SAMD12: variants seen among roughly 807,000 people sequenced by gnomAD.
The protein encoded by SAMD12 is sterile alpha motif domain-containing protein 12.
SAMD12 carries 9 observed loss-of-function variants against 15.0 expected under a neutral mutation model. The observed-to-expected ratio is 0.60, with a 90% confidence interval of 0.36 to 1.05. The LOEUF (loss-of-function observed/expected upper bound fraction) is 1.05, where lower values mean the gene tolerates loss of function less well. Ranked by LOEUF, SAMD12 falls within the 50% of genes least tolerant of loss-of-function variation. The probability of loss-of-function intolerance (pLI) is 0.01; values close to 1 mark genes in which losing one functional copy is unlikely to be tolerated. For missense variants in SAMD12, 230 were observed against 234.2 expected (o/e 0.98, Z 0.12); for synonymous variants, 86 against 90.1 (o/e 0.96, Z 0.25).
chr8:118,203,430 G>C (rs1005729099), intron 4 of SAMD12, among the ~76,000 whole-genome samples: 5 of 151,786 alleles, frequency 3.3e-5, no homozygotes, highest in African/African-American at 1.2e-4. Flanking sequence ...AGGTACTACT[G>C]GCATCTAATG....
intron 4 of SAMD12, among the ~76,000 whole-genome samples, chr8:118,314,853 C>T (rs1184681838): frequency 6.6e-6 from 1 of 152,154 alleles, no homozygotes; most frequent in Non-Finnish European, 1.5e-5. Context: ...TCGGCTATTA[C>T]AAATAAAGCG....
intron 2 of SAMD12, among the ~76,000 whole-genome samples, chr8:118,442,562 A>C (rs1386906044): frequency 6.6e-6 from 1 of 152,228 alleles, no homozygotes; most frequent in African/African-American, 2.4e-5. Flanking sequence ...GATGATGTTT[A>C]GGTTTCTTTT....
intron 3 of SAMD12, among the ~76,000 whole-genome samples, chr8:118,396,894 C>T (rs1820601473): frequency 1.3e-5 from 2 of 152,106 alleles, no homozygotes; most frequent in African/African-American, 4.8e-5. Flanking sequence ...GGAAATTTTG[C>T]ATGCAGAATC....
At chr8:118,571,571 G>T (rs1179992599) in intron 2 of SAMD12, among the ~76,000 whole-genome samples, 4 of 152,216 alleles carry the variant, frequency 2.6e-5, no homozygotes, top group East Asian at 3.8e-4. Flanking sequence ...CGGGCCCAGG[G>T]TGCCCATGCT....
chr8:118,517,410 T>C (rs1379512678), intron 2 of SAMD12, among the ~76,000 whole-genome samples: 1 of 152,164 alleles, frequency 6.6e-6, no homozygotes, highest in Admixed American at 6.5e-5. Context: ...CCATCTCCCA[T>C]ACAGCTGGAG....
At chr8:118,225,819 C>A (rs1170975010) in intron 4 of SAMD12, among the ~76,000 whole-genome samples, 1 of 152,128 alleles carries the variant, frequency 6.6e-6, no homozygotes, top group Non-Finnish European at 1.5e-5. Flanking sequence ...CTTGAACTTA[C>A]AAAATCATCA....
intron 1 of SAMD12, among the ~76,000 whole-genome samples, chr8:118,584,642 T>G (rs2514583): frequency 0.77 from 117,339 of 152,054 alleles, 45,462 homozygotes; most frequent in East Asian, 0.83. Context: ...AAATGAAGAG[T>G]TAAAAACCAA....
intron 2 of SAMD12, among the ~76,000 whole-genome samples, chr8:118,553,568 C>A (rs966679879): frequency 6.6e-5 from 10 of 150,806 alleles, no homozygotes; most frequent in African/African-American, 2.4e-4. Flanking sequence ...AGACCTAAAA[C>A]CATAAAAACC....
At position 118,576,185 on chromosome 8, in the gene SAMD12, A is replaced by C. The variant is rs1827146141; in HGVS notation, c.192+4530T>G. The stretch of plus-strand genomic sequence containing the variant: ...ATCATGTTCTATGTCCACATTGTCC[A>C]AAACAGCAGCTCCTGGAAACATGGG... On this transcript the variant is annotated intron_variant, in intron 2 of 3. Transcript: ENST00000314727. Among the ~76,000 whole-genome samples the C allele has an allele frequency of 2.6e-5, 4 of 152,206 alleles. No individual in the cohort carries two copies. The South Asian group carries it at 8.3e-4, about 32-fold the overall frequency.
chr8:118,552,928 A>G (rs1297205325), intron 2 of SAMD12, among the ~76,000 whole-genome samples: 2 of 152,016 alleles, frequency 1.3e-5, no homozygotes, highest in Non-Finnish European at 2.9e-5. Context: ...ACTCCCATTC[A>G]CAATTGCTTC....
chr8:118,555,654 C>T (rs1826509169), intron 2 of SAMD12, among the ~76,000 whole-genome samples: 12 of 152,182 alleles, frequency 7.9e-5, no homozygotes. Context: ...AATAAGAGGT[C>T]TGTTCCACTC....
chr8:118,245,834 G>C (rs1435010287), intron 4 of SAMD12, among the ~76,000 whole-genome samples: 1 of 152,058 alleles, frequency 6.6e-6, no homozygotes, highest in African/African-American at 2.4e-5. Flanking sequence ...GATCTTTCTG[G>C]GATTGGAAGG....
At chr8:118,388,241 T>G (rs568427398) in intron 3 of SAMD12, among the ~76,000 whole-genome samples, 1 of 152,192 alleles carries the variant, frequency 6.6e-6, no homozygotes, top group Non-Finnish European at 1.5e-5. Context: ...CGCCATTTCA[T>G]GCTTGGCGTT....
At chr8:118,393,765 A>AT (rs768274334) in intron 3 of SAMD12, among the ~76,000 whole-genome samples, 24 of 151,416 alleles carry the variant, frequency 1.6e-4, no homozygotes, top group East Asian at 7.8e-4. Context: ...CACCCAGCTA[A>AT]TTTTTTTTGT....
intron 3 of SAMD12, among the ~76,000 whole-genome samples, chr8:118,430,371 CTTTTT>C (rs35835490): frequency 1.4e-5 from 2 of 146,086 alleles, no homozygotes; most frequent in African/African-American, 5.0e-5. Flanking sequence ...CTGTAATTGC[CTTTTT>C]TTTTTTTGAT....
intron 1 of SAMD12, among the ~76,000 whole-genome samples, chr8:118,606,433 A>G (rs1040969833): frequency 3.5e-4 from 53 of 152,302 alleles, no homozygotes; most frequent in Middle Eastern, 3.4e-3. Context: ...CAGTGCATCA[A>G]TGGTGGCTCA....
At chr8:118,256,171 T>C (rs997857612) in intron 4 of SAMD12, among the ~76,000 whole-genome samples, 1 of 152,182 alleles carries the variant, frequency 6.6e-6, no homozygotes, top group African/African-American at 2.4e-5. Flanking sequence ...AAGTGTCTGT[T>C]CATGTCCTTT....
chr8:118,471,402 C>T (rs1823789782), intron 2 of SAMD12, among the ~76,000 whole-genome samples: 1 of 152,150 alleles, frequency 6.6e-6, no homozygotes, highest in South Asian at 2.1e-4. Context: ...ATCGTGTACT[C>T]CATTGCAAAA....
At chr8:118,457,223 T>C (rs1207955737) in intron 2 of SAMD12, among the ~76,000 whole-genome samples, 3 of 125,544 alleles carry the variant, frequency 2.4e-5, no homozygotes, top group Non-Finnish European at 4.8e-5. Flanking sequence ...TCTCTCTCTC[T>C]TTTTTTTTTT....
Sources: gnomAD v4.1 joint callset for allele counts (sites outside exome capture counted in the v4.1 genomes callset) on GRCh38, gnomAD v4.1.1 for gene constraint, MANE v1.5 for transcripts, NCBI Gene and HGNC (gene_info 2026-07-23, HGNC 2026-07-21) for gene names.